HMCES: variants seen among roughly 807,000 people sequenced by gnomAD.
The protein encoded by HMCES is 5-hydroxymethylcytosine binding, ES cell specific, also known as abasic site processing protein HMCES.
A neutral mutation model predicts 35.1 loss-of-function variants in HMCES; 27 were observed. The observed-to-expected ratio is 0.77, with a 90% CI of 0.57 to 1.06. HMCES has a LOEUF of 1.06. Among genes scored for constraint, HMCES ranks in the 50% least tolerant of loss-of-function variants. The probability of loss-of-function intolerance (pLI) is 0.00; values close to 1 mark genes in which losing one functional copy is unlikely to be tolerated. For synonymous variants in HMCES, 130 were observed against 154.7 expected (o/e 0.84, Z 1.18); for missense variants, 391 against 430.4 (o/e 0.91, Z 0.81).
chr3:129,291,660 G>T (rs764686521), intron 4 of HMCES, among the ~76,000 whole-genome samples: 3 of 152,176 alleles, frequency 2.0e-5, no homozygotes, highest in Non-Finnish European at 4.4e-5. Context: ...GAATAATGCT[G>T]CTATGAACAT....
At chr3:129,289,575 A>G (rs528318782) in intron 3 of HMCES, among the ~76,000 whole-genome samples, 3 of 152,138 alleles carry the variant, frequency 2.0e-5, no homozygotes, top group Non-Finnish European at 2.9e-5. Flanking sequence ...AGGTCTGGCT[A>G]TGTTGCCCAG....
At chr3:129,290,398 T>C (rs940074030) in intron 3 of HMCES, among the ~76,000 whole-genome samples, 9 of 151,902 alleles carry the variant, frequency 5.9e-5, no homozygotes, top group African/African-American at 2.2e-4. Context: ...ATTCTCGTGC[T>C]TTAGCCTCCC....
At chr3:129,298,231 T>C in intron 4 of HMCES, 123 bp from the exon 5 acceptor site, 2 of 841,620 alleles carry the variant, frequency 2.4e-6, no homozygotes, top group East Asian at 2.6e-5. Context: ...GAGGGGTTAA[T>C]AAGACGTGGG....
chr3:129,290,611 C>T, intron 3 of HMCES, 68 bp from the exon 4 acceptor site: 2 of 1,534,106 alleles, frequency 1.3e-6, no homozygotes, highest in South Asian at 1.2e-5. Flanking sequence ...TCAAGTTCTC[C>T]AAGTAATGGC....
At chr3:129,284,289 T>C (rs974907793) in intron 2 of HMCES, among the ~76,000 whole-genome samples, 10 of 152,226 alleles carry the variant, frequency 6.6e-5, no homozygotes, top group African/African-American at 2.4e-4. Context: ...CTGGCTGGTA[T>C]TCCCAAGCTA....
intron 6 of HMCES, among the ~76,000 whole-genome samples, chr3:129,303,672 C>T (rs2071198539): frequency 6.6e-6 from 1 of 151,860 alleles, no homozygotes; most frequent in African/African-American, 2.4e-5. Flanking sequence ...CTTGGATTTT[C>T]AGGGTTAGGA....
Position 129,304,989 on chromosome 3 carries a change from G to T in HMCES, c.*164G>T, listed in dbSNP as rs1466720154. The T allele has an allele frequency of 1.6e-5, 10 of 618,360 alleles. 1 individual carries two copies. Among genetic ancestry groups the T allele is most frequent in the Non-Finnish European group, 2.8e-5 (10 of 353,314 alleles). 38.3% of individuals were successfully genotyped at this position (618,360 alleles called of 1,614,324 possible). A position where few individuals can be genotyped will look rare whatever the true frequency, so the allele number is the denominator to read the frequency against. On this transcript the variant is annotated 3_prime_UTR_variant, in exon 7 of 7. Coordinates refer to ENST00000383463, the MANE Select transcript of HMCES (RefSeq NM_020187.3). ...TTTTTGCCATGAGTAGGAGCCCCTAGTGGGGCTGGTGGACAGCTTTGGAAG... is the reference window on the plus strand; with the variant it reads ...TTTTTGCCATGAGTAGGAGCCCCTATTGGGGCTGGTGGACAGCTTTGGAAG...
chr3:129,300,166 TTA>T (rs35145445), intron 5 of HMCES, among the ~76,000 whole-genome samples: 1,817 of 141,068 alleles, frequency 0.013, 29 homozygotes, highest in African/African-American at 0.043. Context: ...ATGTGCATCT[TTA>T]TATATATATA....
In HMCES at chr3:129,302,125, G is replaced by T. The variant is rs148008790; in HGVS notation, c.811G>T (p.Asp271Tyr). The part of the protein sequence containing the change: ...NNTPECLAPV[D>Y]LVVKKELRAS... The stretch of plus-strand genomic sequence containing the variant: ...CACTCCTGAGTGTCTGGCTCCTGTC[G>T]ACTTGGTGGTCAAAAAGGTAGGGGC... Residue 271 changes from aspartate to tyrosine, a missense_variant, in exon 6 of 7, where the codon GAC becomes TAC. Transcript: ENST00000383463. The T allele has an allele frequency of 5.2e-5, 84 of 1,612,086 alleles. 1 individual carries two copies. Among genetic ancestry groups the T allele is most frequent in the Non-Finnish European group, 7.0e-5 (83 of 1,179,392 alleles).
At chr3:129,281,420 G>A (rs1458349655) in intron 2 of HMCES, among the ~76,000 whole-genome samples, 1 of 152,146 alleles carries the variant, frequency 6.6e-6, no homozygotes, top group Admixed American at 6.5e-5. Context: ...GCTGGGCATG[G>A]TGGCTCACAC....
intron 2 of HMCES, among the ~76,000 whole-genome samples, chr3:129,281,564 G>A (rs1265883293): frequency 1.3e-5 from 2 of 151,610 alleles, no homozygotes; most frequent in South Asian, 2.1e-4. Flanking sequence ...GATGGCGGGC[G>A]CCTGTAATCT....
chr3:129,299,534 G>T (rs371341888), intron 5 of HMCES, among the ~76,000 whole-genome samples: 30 of 151,984 alleles, frequency 2.0e-4, no homozygotes, highest in African/African-American at 7.2e-4. Context: ...CGCCATGTTC[G>T]AAACCAGTAA....
chr3:129,289,769 T>C (rs1333907579), intron 3 of HMCES, among the ~76,000 whole-genome samples: 2 of 152,162 alleles, frequency 1.3e-5, no homozygotes, highest in Non-Finnish European at 2.9e-5. Flanking sequence ...GCATGCTTCA[T>C]TGGGGAGGCA....
intron 6 of HMCES, 56 bp downstream of exon 6, chr3:129,302,198 T>C: frequency 6.9e-7 from 1 of 1,442,098 alleles, no homozygotes; most frequent in East Asian, 2.3e-5. Flanking sequence ...CTGTCAGTGT[T>C]CTCTTTCTTT....
At chr3:129,281,843 T>TAA (rs1358483099) in intron 2 of HMCES, among the ~76,000 whole-genome samples, 1 of 103,126 alleles carries the variant, frequency 9.7e-6, no homozygotes. Flanking sequence ...GTCTGTACTA[T>TAA]AAAAAAAAAA....
At chr3:129,289,056 G>A in intron 3 of HMCES, 59 bp downstream of exon 3, 3 of 1,361,330 alleles carry the variant, frequency 2.2e-6, no homozygotes, top group Non-Finnish European at 3.0e-6. Context: ...TCCAAAGGGT[G>A]TTTCCATCCT....
chr3:129,283,262 T>C (rs543843653), intron 2 of HMCES, among the ~76,000 whole-genome samples: 1 of 152,092 alleles, frequency 6.6e-6, no homozygotes, highest in African/African-American at 2.4e-5. Flanking sequence ...GAAAGATCAT[T>C]TAGTTGACCA....
chr3:129,301,234 T>C (rs2071165764), intron 5 of HMCES, among the ~76,000 whole-genome samples: 4 of 151,628 alleles, frequency 2.6e-5, no homozygotes, highest in Admixed American at 1.3e-4. Context: ...TATGCTTTCA[T>C]GTGATGTAGT....
chr3:129,299,469 G>T (rs577639853), intron 5 of HMCES, among the ~76,000 whole-genome samples: 17 of 152,092 alleles, frequency 1.1e-4, no homozygotes, highest in Non-Finnish European at 2.4e-4. Flanking sequence ...ATTCTTTAGC[G>T]CATTTTCATC....
Sources: allele counts gnomAD v4.1 joint callset (sites outside exome capture counted in the v4.1 genomes callset), GRCh38; gene constraint gnomAD v4.1.1; transcripts MANE v1.5; gene names NCBI Gene and HGNC (gene_info 2026-07-23, HGNC 2026-07-21).